Variants in BMP1 observed in about 807,000 individuals in gnomAD.
The protein encoded by BMP1 is bone morphogenetic protein 1.
BMP1 carries 63 observed loss-of-function variants against 116.8 expected under a neutral mutation model. The ratio of observed to expected loss-of-function variants is 0.54; its 90% CI spans 0.44 to 0.67. The LOEUF (loss-of-function observed/expected upper bound fraction) is 0.67, where lower values mean the gene tolerates loss of function less well. Among genes scored for constraint, BMP1 ranks in the 30% least tolerant of loss-of-function variants. BMP1 has a pLI of 0.00. For missense variants in BMP1, 1,183 were observed against 1,358.9 expected (o/e 0.87, Z 2.04); for synonymous variants, 536 against 533.4 (o/e 1.00, Z -0.07).
At chr8:22,180,869 A>G (rs574738908) in intron 8 of BMP1, among the ~76,000 whole-genome samples, 66 of 152,290 alleles carry the variant, frequency 4.3e-4, no homozygotes, top group African/African-American at 1.5e-3. Flanking sequence ...CACACAGCTA[A>G]CAAGGACTGA....
rs116980533 is a variant in BMP1 at position 22,204,920 on chromosome 8, G to A, written c.2234-1934G>A. On this transcript the variant is annotated intron_variant, in intron 16 of 19. Coordinates refer to ENST00000306385, the MANE Select transcript of BMP1 (RefSeq NM_006129.5). ...GGGCCTGGGAGAGCTCTTTCAGGAT[G>A]TGTGAAGGTTCCGAGGCTGCAGAGC... Among the ~76,000 whole-genome samples, 1,036 of 152,332 alleles carry A rather than the reference G, an allele frequency of 6.8e-3. 5 individuals are homozygous for A. Among genetic ancestry groups the A allele is most frequent in the Admixed American group, 0.013 (193 of 15,306 alleles).
chr8:22,209,775 A>G, intron 19 of BMP1, 80 bp downstream of exon 19: 3 of 1,490,092 alleles, frequency 2.0e-6, no homozygotes, highest in Non-Finnish European at 2.7e-6. Context: ...CCCAGTCTCC[A>G]AGACCTAGCG....
intron 1 of BMP1, among the ~76,000 whole-genome samples, chr8:22,167,713 G>T (rs1429069732): frequency 6.6e-6 from 1 of 152,184 alleles, no homozygotes; most frequent in Non-Finnish European, 1.5e-5. Flanking sequence ...CCAGGGCTGG[G>T]GGCGGCTGAG....
At chr8:22,177,293 C>T (rs553724219) in intron 5 of BMP1, among the ~76,000 whole-genome samples, 154 bp downstream of exon 5, 17 of 152,354 alleles carry the variant, frequency 1.1e-4, no homozygotes, top group African/African-American at 2.9e-4. Context: ...AGCCCCTGCC[C>T]TTGAGGCATT....
chr8:22,209,426 C>T lies in BMP1; in HGVS notation c.2576-19C>T. On this transcript the variant is annotated intron_variant, in intron 18 of 19. Coordinates refer to ENST00000306385, the MANE Select transcript of BMP1 (RefSeq NM_006129.5). The stretch of plus-strand genomic sequence containing the variant: ...ACCTGCGGTGCTCAGGGCTGGTTGG[C>T]CCCTCTTGTCCCCTACAGAGTGCGG... 1 of 1,611,846 alleles carries T rather than the reference C, an allele frequency of 6.2e-7. No individual in the cohort carries two copies. Among genetic ancestry groups the T allele is most frequent in the Non-Finnish European group, 8.5e-7 (1 of 1,178,428 alleles).
chr8:22,176,034 C>G, intron 2 of BMP1, 109 bp from the exon 3 acceptor site: 1 of 1,156,348 alleles, frequency 8.6e-7, no homozygotes, highest in Admixed American at 2.5e-5. Context: ...AAATTTTAGC[C>G]AGTAGACAAA....
intron 8 of BMP1, among the ~76,000 whole-genome samples, chr8:22,184,838 A>T (rs1828720812): frequency 6.6e-6 from 1 of 152,248 alleles, no homozygotes; most frequent in Non-Finnish European, 1.5e-5. Context: ...TCCAAAGTCT[A>T]TGGCCTTTCA....
At chr8:22,196,266 G>T (rs755209952) in intron 13 of BMP1, 1 of 537,462 alleles carries the variant, frequency 1.9e-6, no homozygotes, top group Non-Finnish European at 3.7e-6. Context: ...AGATGCTGGG[G>T]ACAGCACTCC....
intron 18 of BMP1, among the ~76,000 whole-genome samples, chr8:22,208,985 A>G (rs532467690): frequency 6.6e-6 from 1 of 152,358 alleles, no homozygotes; most frequent in South Asian, 2.1e-4. Context: ...TCTGGCCCTC[A>G]GACCTGCTAT....
chr8:22,171,912 C>T (rs2131841935), intron 1 of BMP1, among the ~76,000 whole-genome samples: 1 of 152,334 alleles, frequency 6.6e-6, no homozygotes, highest in African/African-American at 2.4e-5. Context: ...GTGCCTCCCG[C>T]CTGAAAGTGC....
intron 5 of BMP1, chr8:22,177,558 C>G: frequency 1.4e-6 from 1 of 736,578 alleles, no homozygotes. Flanking sequence ...CCTCCTCCCT[C>G]TCTCCCAGGC....
In BMP1 at chr8:22,212,049, G is replaced by A. The variant is rs1476539135; in HGVS notation, c.*321G>A. On this transcript the variant is annotated 3_prime_UTR_variant, in exon 20 of 20. Transcript: ENST00000306385. ...TCAGCAGGACCCCATCGCCATCCCT[G>A]TGTCTCTACACGCTGTATTGTGTAT... is the stretch of plus-strand genomic sequence containing the variant. 1 of 402,048 alleles carries A rather than the reference G, an allele frequency of 2.5e-6. No homozygotes were observed. The highest frequency in any genetic ancestry group is 4.7e-6 in the Non-Finnish European group (1 of 214,870). The allele number at this position is 402,048 out of a possible 1,614,324, so 24.9% of individuals were successfully genotyped here.
chr8:22,205,406 T>G (rs2131900108), intron 16 of BMP1, among the ~76,000 whole-genome samples: 1 of 152,234 alleles, frequency 6.6e-6, no homozygotes, highest in East Asian at 1.9e-4. Flanking sequence ...TGGTCAGCCC[T>G]GCAGTCAGTT....
At chr8:22,175,297 CATAGAGTTCTGA>C (rs1388346527) in intron 2 of BMP1, among the ~76,000 whole-genome samples, 4 of 152,188 alleles carry the variant, frequency 2.6e-5, no homozygotes, top group African/African-American at 9.6e-5. Context: ...CAAAAGAAGG[CATAGAGTTCTGA>C]ATGCTCCACA....
intron 17 of BMP1, 71 bp downstream of exon 17, chr8:22,207,052 C>G: frequency 6.3e-7 from 1 of 1,576,938 alleles, no homozygotes; most frequent in Admixed American, 1.8e-5. Context: ...CAGAGCCACA[C>G]AGGCTGCAGG....
rs967564586 is a variant in BMP1 at position 22,195,015 on chromosome 8, T to C, written c.1639+96T>C. 11 of 1,329,150 alleles carry C rather than the reference T, an allele frequency of 8.3e-6. No homozygotes were observed. The Admixed American group carries it at 1.1e-4, about 13-fold the overall frequency. The allele number at this position is 1,329,150 out of a possible 1,614,324, so 82.3% of individuals were successfully genotyped here. On this transcript the variant is annotated intron_variant, in intron 12 of 19. Coordinates refer to ENST00000306385, the MANE Select transcript of BMP1 (RefSeq NM_006129.5). Reference sequence around the variant, plus strand: ...CAACACGGAGACTCCAGGAGGCATATTGATACCAGTGAGACCCCAGGGCTG... The same window carrying C: ...CAACACGGAGACTCCAGGAGGCATACTGATACCAGTGAGACCCCAGGGCTG...
Position 22,179,351 on chromosome 8 carries a change from G to A in BMP1, c.837-354G>A, listed in dbSNP as rs900922039. Among the ~76,000 whole-genome samples the A allele has an allele frequency of 6.6e-6, 1 of 152,240 alleles. No individual in the cohort carries two copies. The highest frequency in any genetic ancestry group is 2.1e-4 in the South Asian group (1 of 4,830). On this transcript the variant is annotated intron_variant, in intron 6 of 19. Coordinates refer to ENST00000306385, the MANE Select transcript of BMP1 (RefSeq NM_006129.5). This position sits in a 1 kb window ranked among gnomAD's most constrained non-coding sequence, Gnocchi z 4.6. ...GCTGCAGAAGCAGGGGCCCAGTGGG[G>A]CTGGAGAGAGATGACCCGCTAGGGG...
At chr8:22,201,743 G>T in intron 15 of BMP1, 60 bp from the exon 16 acceptor site, 2 of 1,601,602 alleles carry the variant, frequency 1.2e-6, no homozygotes, top group African/African-American at 1.3e-5. Context: ...ACTTCCCCTG[G>T]GGCATCCCAA....
rs1206458020 is a variant in BMP1 at position 22,212,113 on chromosome 8, A to C, written c.*385A>C. 4 of 192,996 alleles carry C rather than the reference A, an allele frequency of 2.1e-5. No homozygotes were observed. Among genetic ancestry groups the C allele is most frequent in the Non-Finnish European group, 3.3e-5 (3 of 91,728 alleles). The allele number at this position is 192,996 out of a possible 1,614,324, so 12.0% of individuals were successfully genotyped here. A position where few individuals can be genotyped will look rare whatever the true frequency, so the allele number is the denominator to read the frequency against. On this transcript the variant is annotated 3_prime_UTR_variant, in exon 20 of 20. Coordinates refer to ENST00000306385, the MANE Select transcript of BMP1 (RefSeq NM_006129.5). ...ATTTTCATTGTAATGTTCATTTCCC[A>C]CCCCTGCTCCAGCCTCGATTTGGTT...
Sources: allele counts gnomAD v4.1 joint callset (sites outside exome capture counted in the v4.1 genomes callset), GRCh38; gene constraint gnomAD v4.1.1; non-coding constraint Gnocchi (gnomAD v3.1); transcripts MANE v1.5; gene names NCBI Gene and HGNC (gene_info 2026-07-23, HGNC 2026-07-21).